CTBP2: variants seen among roughly 807,000 people sequenced by gnomAD.
The protein encoded by CTBP2 is C-terminal-binding protein 2.
In CTBP2, 30 loss-of-function variants were observed where a neutral mutation model predicts 80.3. The ratio of observed to expected loss-of-function variants is 0.37; its 90% CI spans 0.28 to 0.51. The LOEUF (loss-of-function observed/expected upper bound fraction) is 0.51. Among genes scored for constraint, CTBP2 ranks in the 20% least tolerant of loss-of-function variants. The pLI is 0.93. For synonymous variants in CTBP2, 594 were observed against 587.4 expected (o/e 1.01, Z -0.16); for missense variants, 1,212 against 1,375.3 (o/e 0.88, Z 1.88).
At chr10:125,053,749 T>C (rs1366470428) in intron 2 of CTBP2, among the ~76,000 whole-genome samples, 1 of 150,990 alleles carries the variant, frequency 6.6e-6, no homozygotes, top group African/African-American at 2.4e-5. Context: ...TGTAGACGGG[T>C]CTGATGAGTG....
intron 1 of CTBP2, among the ~76,000 whole-genome samples, chr10:125,118,651 C>T (rs1029229430): frequency 1.4e-5 from 2 of 145,080 alleles, no homozygotes; most frequent in African/African-American, 2.6e-5. Flanking sequence ...TGGGGCACGA[C>T]AGTCCTACTT....
intron 1 of CTBP2, among the ~76,000 whole-genome samples, chr10:125,133,192 G>C (rs951984728): frequency 1.3e-5 from 2 of 152,138 alleles, no homozygotes; most frequent in African/African-American, 4.8e-5. Context: ...ACATACAGCA[G>C]GTCAGTGAGC....
At chr10:125,124,891 G>A (rs1463318264) in intron 1 of CTBP2, among the ~76,000 whole-genome samples, 1 of 152,162 alleles carries the variant, frequency 6.6e-6, no homozygotes, top group Non-Finnish European at 1.5e-5. Context: ...ATTCCAAACA[G>A]TGCCTTCTGA....
In CTBP2 at chr10:125,092,393, T is replaced by C. The variant is rs189868618; in HGVS notation, c.-102+18597A>G. 5.3e-5 allele frequency among the ~76,000 whole-genome samples: 8 copies of C among 152,072 alleles called. No homozygotes were observed. In the East Asian group the frequency reaches 1.5e-3, roughly 29 times the overall value. On this transcript the variant is annotated intron_variant, in intron 2 of 10. Coordinates refer to the CTBP2 transcript ENST00000337195. ...TTTAGTAGAGATGGGTTTCACCACG[T>C]TGGTCTCGAACTCCTGACCTCAAGT...
At chr10:125,074,129 G>A (rs1170763425) in intron 2 of CTBP2, among the ~76,000 whole-genome samples, 1 of 152,182 alleles carries the variant, frequency 6.6e-6, no homozygotes, top group African/African-American at 2.4e-5. Flanking sequence ...GATACCAGCA[G>A]CATTCCCCCT....
At chr10:125,152,882 G>C (rs1355273548) in intron 1 of CTBP2, among the ~76,000 whole-genome samples, 2 of 151,500 alleles carry the variant, frequency 1.3e-5, no homozygotes, top group African/African-American at 2.4e-5. Context: ...GACCACAGCT[G>C]AACGTCTGGA....
chr10:124,996,044 CTTTGT>C (rs1160898293), intron 4 of CTBP2: 2 of 75,612 alleles, frequency 2.6e-5, no homozygotes, highest in Middle Eastern at 6.3e-3. Flanking sequence ...ACGGCTATTT[CTTTGT>C]TTTTTTTTTT....
intron 2 of CTBP2, among the ~76,000 whole-genome samples, chr10:125,058,704 G>A (rs577755861): frequency 1.3e-5 from 2 of 152,198 alleles, no homozygotes; most frequent in East Asian, 1.9e-4. Context: ...AGACTAGCCC[G>A]GCCAACATGA....
intron 1 of CTBP2, among the ~76,000 whole-genome samples, chr10:125,140,039 G>T (rs1400878700): frequency 6.6e-6 from 1 of 152,024 alleles, no homozygotes; most frequent in Non-Finnish European, 1.5e-5. Context: ...ACACGATGGG[G>T]TGTCCACCCA....
chr10:125,100,609 T>C (rs1246376657), intron 2 of CTBP2: 4 of 152,208 alleles, frequency 2.6e-5, no homozygotes, highest in Non-Finnish European at 5.9e-5. Context: ...TCTAAGCATG[T>C]CTTTATTTGT....
chr10:125,067,635 G>A (rs1328131823), intron 2 of CTBP2, among the ~76,000 whole-genome samples: 1 of 152,208 alleles, frequency 6.6e-6, no homozygotes, highest in African/African-American at 2.4e-5. Context: ...AGGATATAAT[G>A]TAAACCAAAA....
intron 1 of CTBP2, among the ~76,000 whole-genome samples, chr10:125,156,481 C>T (rs1860937765): frequency 6.6e-6 from 1 of 152,136 alleles, no homozygotes; most frequent in Non-Finnish European, 1.5e-5. Flanking sequence ...TGTTAGTGAA[C>T]TGTTGGCAAA....
At chr10:125,159,061 C>G (rs1861459822) in intron 1 of CTBP2, among the ~76,000 whole-genome samples, 1 of 151,506 alleles carries the variant, frequency 6.6e-6, no homozygotes, top group South Asian at 2.1e-4. Context: ...CGCCCCGGCT[C>G]CCGCGCGCCT....
At position 125,026,596 on chromosome 10, in the gene CTBP2, A is replaced by AGGCTGG. The variant is rs772295883; in HGVS notation, c.1163_1164insCCAGCC (p.Ala388_Ala389insGlnPro). ...GGGATGCTGTCTGCAGAGGAGCCGC[A>AGGCTGG]GCGCCCAGAGAAGCCAAGTCACCAT... On this transcript the variant is annotated inframe_insertion, in exon 1 of 9. Transcript: ENST00000309035. 1 of 1,564,162 alleles carries AGGCTGG rather than the reference A, an allele frequency of 6.4e-7. No homozygotes were observed.
chr10:125,150,633 GACTA>G (rs1443386110), intron 1 of CTBP2, among the ~76,000 whole-genome samples: 5 of 151,758 alleles, frequency 3.3e-5, no homozygotes, highest in African/African-American at 4.8e-5. Context: ...GTAAAACAGT[GACTA>G]ACTATCACCT....
chr10:125,155,598 A>G (rs943966780), intron 1 of CTBP2, among the ~76,000 whole-genome samples: 5 of 152,114 alleles, frequency 3.3e-5, no homozygotes, highest in African/African-American at 1.2e-4. Context: ...TTAAATCATG[A>G]TCAAAAGGGC....
intron 1 of CTBP2, among the ~76,000 whole-genome samples, chr10:125,134,980 G>A (rs768601569): frequency 4.6e-5 from 7 of 150,734 alleles, no homozygotes; most frequent in African/African-American, 7.3e-5. Flanking sequence ...GCCAACCCCC[G>A]GGGACCTTAG....
At chr10:125,105,585 A>G (rs1376173908) in intron 2 of CTBP2, among the ~76,000 whole-genome samples, 2 of 152,098 alleles carry the variant, frequency 1.3e-5, no homozygotes, top group Non-Finnish European at 2.9e-5. Context: ...ATGCCCCTTT[A>G]CACTTGAACC....
At chr10:125,069,969 A>G (rs1590514025) in intron 2 of CTBP2, among the ~76,000 whole-genome samples, 1 of 151,796 alleles carries the variant, frequency 6.6e-6, no homozygotes, top group East Asian at 1.9e-4. Context: ...TTGGATAACA[A>G]TGGATCAATT....
Sources: gnomAD v4.1 joint callset for allele counts (sites outside exome capture counted in the v4.1 genomes callset) on GRCh38, gnomAD v4.1.1 for gene constraint, MANE v1.5 for transcripts, NCBI Gene and HGNC (gene_info 2026-07-23, HGNC 2026-07-21) for gene names.